EBF1: variants seen among roughly 807,000 people sequenced by gnomAD.
The protein encoded by EBF1 is transcription factor COE1.
EBF1 carries 10 observed loss-of-function variants against 68.4 expected under a neutral mutation model. The observed-to-expected ratio is 0.15, with a 90% CI of 0.09 to 0.25. The LOEUF (loss-of-function observed/expected upper bound fraction) is 0.25. Among genes scored for constraint, EBF1 ranks in the 10% least tolerant of loss-of-function variants. The probability of loss-of-function intolerance (pLI) is 1.00; values close to 1 mark genes in which losing one functional copy is unlikely to be tolerated. For synonymous variants in EBF1, 298 were observed against 299.8 expected, an observed-to-expected ratio of 0.99 and a Z score of 0.06; for missense variants, 509 against 794.4, an observed-to-expected ratio of 0.64 and a Z score of 4.32.
chr5:159,007,939 G>C (rs1763881307), intron 6 of EBF1, among the ~76,000 whole-genome samples: 1 of 152,172 alleles, frequency 6.6e-6, no homozygotes, highest in South Asian at 2.1e-4. Context: ...GATTTTACAA[G>C]TTATTTTCTC....
intron 11 of EBF1, among the ~76,000 whole-genome samples, chr5:158,716,785 T>C (rs1003287973): frequency 6.6e-5 from 10 of 152,100 alleles, no homozygotes; most frequent in African/African-American, 2.4e-4. Context: ...GTGTTGGGGA[T>C]CTAATATATT....
At chr5:159,068,858 G>T (rs1333887764) in intron 6 of EBF1, among the ~76,000 whole-genome samples, 1 of 152,058 alleles carries the variant, frequency 6.6e-6, no homozygotes, top group Non-Finnish European at 1.5e-5. Flanking sequence ...GCGTAAGTGT[G>T]ACCCGAAGTA....
intron 7 of EBF1, among the ~76,000 whole-genome samples, chr5:158,836,567 G>A: frequency 6.6e-6 from 1 of 152,164 alleles, no homozygotes; most frequent in East Asian, 1.9e-4. Flanking sequence ...GGGTTAGAGA[G>A]ATTTGAGGTT....
intron 6 of EBF1, among the ~76,000 whole-genome samples, chr5:158,999,692 G>T (rs541164146): frequency 2.6e-5 from 4 of 152,150 alleles, no homozygotes; most frequent in African/African-American, 4.8e-5. Context: ...CCACTGATCC[G>T]TAGTGTATTT....
intron 6 of EBF1, among the ~76,000 whole-genome samples, chr5:159,013,069 T>C (rs1158609646): frequency 6.6e-6 from 1 of 152,214 alleles, no homozygotes; most frequent in African/African-American, 2.4e-5. Context: ...GGCCACCTGG[T>C]CTGTGGTACT....
intron 6 of EBF1, among the ~76,000 whole-genome samples, chr5:159,064,282 G>T (rs1584367604): frequency 6.6e-6 from 1 of 152,246 alleles, no homozygotes. Flanking sequence ...ACATGAAAAT[G>T]TGCTGTGGAT....
At chr5:158,924,627 C>A (rs1412862226) in intron 6 of EBF1, among the ~76,000 whole-genome samples, 1 of 151,502 alleles carries the variant, frequency 6.6e-6, no homozygotes, top group African/African-American at 2.4e-5. Context: ...CCGAGGCGGG[C>A]GGATCACGAG....
At chr5:158,934,317 C>T (rs1811520884) in intron 6 of EBF1, among the ~76,000 whole-genome samples, 1 of 152,220 alleles carries the variant, frequency 6.6e-6, no homozygotes, top group African/African-American at 2.4e-5. Flanking sequence ...TACACATACA[C>T]ATACACACAT....
chr5:158,910,361 ACATT>A (rs1805693312), intron 6 of EBF1, among the ~76,000 whole-genome samples: 1 of 152,252 alleles, frequency 6.6e-6, no homozygotes, highest in Non-Finnish European at 1.5e-5. Context: ...AGAGAAAGGC[ACATT>A]CAATTTCCAT....
chr5:159,073,373 A>G (rs752391284), intron 6 of EBF1, 23 bp downstream of exon 6: 2 of 1,611,842 alleles, frequency 1.2e-6, no homozygotes, highest in Middle Eastern at 1.7e-4. Context: ...ATAAGAATCC[A>G]GTGAAAGAAG....
chr5:158,866,866 T>C (rs1371878394), intron 6 of EBF1, among the ~76,000 whole-genome samples: 2 of 55,968 alleles, frequency 3.6e-5, no homozygotes, highest in Non-Finnish European at 8.0e-5. Flanking sequence ...TATATATATA[T>C]ATATATATAT....
At position 158,977,392 on chromosome 5, in the gene EBF1, T is replaced by A. The variant is rs1756984213; in HGVS notation, c.554+96004A>T. 3.9e-5 allele frequency among the ~76,000 whole-genome samples: 6 copies of A among 152,292 alleles called. No homozygotes were observed. The South Asian group carries it at 1.2e-3, about 32-fold the overall frequency. ...ACAATTAGAAAGTACACGTAAAGGG[T>A]TTCTTTAAGTTAGACACTTAATACG... On this transcript the variant is annotated intron_variant, in intron 6 of 15. Transcript: ENST00000313708.
At chr5:158,705,270 C>T (rs757597116) in intron 15 of EBF1, among the ~76,000 whole-genome samples, 6 of 152,194 alleles carry the variant, frequency 3.9e-5, no homozygotes, top group Non-Finnish European at 8.8e-5. Context: ...TGTGAACCAC[C>T]ACGCCCAGTC....
intron 7 of EBF1, among the ~76,000 whole-genome samples, chr5:158,828,886 C>CA (rs752214525): frequency 6.6e-5 from 10 of 152,144 alleles, no homozygotes; most frequent in Non-Finnish European, 1.2e-4. Flanking sequence ...CACAGACAGT[C>CA]ATAGAGGGGT....
At chr5:159,095,716 A>G in intron 3 of EBF1, 41 bp from the exon 4 acceptor site, 7 of 1,601,522 alleles carry the variant, frequency 4.4e-6, no homozygotes, top group Non-Finnish European at 5.1e-6. Flanking sequence ...ATTAAGTGAG[A>G]GGTTACGGAG....
intron 8 of EBF1, among the ~76,000 whole-genome samples, chr5:158,816,096 A>C (rs746707112): frequency 1.3e-5 from 2 of 152,364 alleles, no homozygotes; most frequent in Admixed American, 1.3e-4. Context: ...CCCTTCACCA[A>C]GATGATCTTG....
At chr5:158,739,480 A>T (rs1199196241) in intron 10 of EBF1, among the ~76,000 whole-genome samples, 1 of 152,200 alleles carries the variant, frequency 6.6e-6, no homozygotes, top group African/African-American at 2.4e-5. Flanking sequence ...AGCAAACAGA[A>T]GTTGAATGTA....
intron 6 of EBF1, among the ~76,000 whole-genome samples, chr5:159,058,416 C>A (rs1282481644): frequency 6.6e-6 from 1 of 152,216 alleles, no homozygotes; most frequent in African/African-American, 2.4e-5. Context: ...AAGTTCTCAG[C>A]TGAAGGGGAC....
chr5:159,098,525 A>C (rs544298191), intron 1 of EBF1, among the ~76,000 whole-genome samples: 215 of 152,236 alleles, frequency 1.4e-3, no homozygotes, highest in African/African-American at 4.9e-3. Flanking sequence ...GGGACGAAAA[A>C]ACAGGAAAGC....
Sources: gnomAD v4.1 joint callset for allele counts (sites outside exome capture counted in the v4.1 genomes callset) on GRCh38, gnomAD v4.1.1 for gene constraint, MANE v1.5 for transcripts, NCBI Gene and HGNC (gene_info 2026-07-23, HGNC 2026-07-21) for gene names.